Variants in NSRP1 observed in about 807,000 individuals in gnomAD.
NSRP1 encodes coiled-coil domain containing 55.
A neutral mutation model predicts 54.7 loss-of-function variants in NSRP1; 24 were observed. The ratio of observed to expected loss-of-function variants is 0.44; its 90% CI spans 0.32 to 0.62. NSRP1 has a LOEUF of 0.62. Among genes scored for constraint, NSRP1 ranks in the 20% least tolerant of loss-of-function variants. The probability of loss-of-function intolerance (pLI) is 0.06; values close to 1 mark genes in which losing one functional copy is unlikely to be tolerated. For synonymous variants in NSRP1, 210 were observed against 213.8 expected (o/e 0.98, Z 0.15); for missense variants, 596 against 651.2 (o/e 0.92, Z 0.92).
chr17:30,170,741 TG>T (rs1330799076), intron 2 of NSRP1, among the ~76,000 whole-genome samples: 3 of 152,200 alleles, frequency 2.0e-5, no homozygotes, highest in African/African-American at 4.8e-5. Flanking sequence ...GCAATGAACA[TG>T]GGAGTGAAGC....
In NSRP1 at chr17:30,179,168, C is replaced by G; in HGVS notation, c.379C>G (p.Gln127Glu). The change falls in exon 5 of 7, where the codon CAG (glutamine) becomes GAG (glutamate). Residue 127 changes from glutamine to glutamate, a missense_variant. By Grantham distance (29) the Gln-to-Glu change is conservative. Transcript: ENST00000247026. ...GGAAAAAAGAATGGAAAAGAAAATA[C>G]AGAGAGAACGAGAAATGGAAAAGGG... ...EQEKRMEKKI[Q>E]REREMEKGEF... The G allele has an allele frequency of 6.2e-7, 1 of 1,607,328 alleles. No individual in the cohort carries two copies. The highest frequency in any genetic ancestry group is 8.5e-7 in the Non-Finnish European group (1 of 1,176,210).
intron 2 of NSRP1, chr17:30,122,349 T>TGTGTGTGTATATATA (rs1481107161): frequency 1.4e-5 from 1 of 72,304 alleles, no homozygotes; most frequent in African/African-American, 5.7e-5. Flanking sequence ...ATAACTCTGG[T>TGTGTGTGTATATATA]TTCATATATA....
intron 1 of NSRP1, chr17:30,117,352 G>C: frequency 1.9e-6 from 1 of 530,512 alleles, no homozygotes; most frequent in Non-Finnish European, 3.3e-6. Flanking sequence ...TAGGAAATTG[G>C]GGTATACGTT....
intron 2 of NSRP1, among the ~76,000 whole-genome samples, chr17:30,134,085 T>C (rs2071726780): frequency 6.6e-6 from 1 of 152,212 alleles, no homozygotes; most frequent in South Asian, 2.1e-4. Flanking sequence ...GGGTTATTAG[T>C]TGACCTAATT....
At chr17:30,120,980 A>G (rs2071591604) in intron 2 of NSRP1, among the ~76,000 whole-genome samples, 1 of 152,222 alleles carries the variant, frequency 6.6e-6, no homozygotes, top group Non-Finnish European at 1.5e-5. Context: ...TTTAGATTTA[A>G]ATAGGCAAAA....
chr17:30,125,424 A>AT (rs1280174588), intron 2 of NSRP1, among the ~76,000 whole-genome samples: 4 of 152,120 alleles, frequency 2.6e-5, no homozygotes, highest in Admixed American at 6.6e-5. Context: ...TTAAGATCAG[A>AT]TTTTTTCTCT....
chr17:30,122,837 A>G (rs950035890), intron 2 of NSRP1, among the ~76,000 whole-genome samples: 5 of 152,042 alleles, frequency 3.3e-5, no homozygotes, highest in Admixed American at 2.0e-4. Flanking sequence ...AGCCATATAG[A>G]AGGTGTACAG....
At chr17:30,177,908 C>A in intron 3 of NSRP1, 163 bp from the exon 4 acceptor site, 1 of 819,164 alleles carries the variant, frequency 1.2e-6, no homozygotes, top group Non-Finnish European at 2.0e-6. Context: ...GCATTCATAC[C>A]CAGGCAGCCT....
rs1043642923 is a variant in NSRP1 at position 30,127,909 on chromosome 17, A to C, written c.114+9736A>C. 3 of 397,996 alleles carry C rather than the reference A, an allele frequency of 7.5e-6. No homozygotes were observed. The Admixed American group carries it at 1.3e-4, about 18-fold the overall frequency. The allele number at this position is 397,996 out of a possible 1,614,324, so 24.7% of individuals were successfully genotyped here. On this transcript the variant is annotated intron_variant, in intron 2 of 6. Coordinates refer to ENST00000247026, the MANE Select transcript of NSRP1 (RefSeq NM_032141.4). ...AGTGCAATTTGTGCAGTCACAACTC[A>C]TGGCAGCCTCAACCTCCCAGGCCGA...
In NSRP1 at chr17:30,116,853, C is replaced by G; in HGVS notation, c.10C>G (p.Pro4Ala). ...CGGACACGGGAGCAAGATGGCGATTCCGGGCAGGCAGTGAGTGATCCGGGA... is the reference window on the plus strand; with the variant it reads ...CGGACACGGGAGCAAGATGGCGATTGCGGGCAGGCAGTGAGTGATCCGGGA... MAI[P>A]GRQYGLILPK... is the part of the protein sequence containing the mutation. Residue 4 changes from proline to alanine, a missense_variant, in exon 1 of 7, where the codon CCG becomes GCG. Physicochemically the swap from Pro to Ala is conservative, Grantham distance 27. Transcript: ENST00000247026. The G allele has an allele frequency of 3.2e-6, 5 of 1,576,064 alleles. 1 individual carries two copies. Among genetic ancestry groups the G allele is most frequent in the East Asian group, 4.6e-5 (2 of 43,110 alleles).
intron 2 of NSRP1, among the ~76,000 whole-genome samples, chr17:30,121,216 A>G (rs2071593465): frequency 6.6e-6 from 1 of 152,220 alleles, no homozygotes; most frequent in Admixed American, 6.5e-5. Context: ...ATTCGGTGAT[A>G]TCATCACACT....
intron 2 of NSRP1, among the ~76,000 whole-genome samples, chr17:30,142,648 A>G (rs2071816802): frequency 6.6e-6 from 1 of 152,224 alleles, no homozygotes; most frequent in Non-Finnish European, 1.5e-5. Flanking sequence ...TTAAGTGTTT[A>G]GTCCAGTGCA....
Position 30,184,890 on chromosome 17 carries a change from A to G in NSRP1, c.893A>G (p.His298Arg). 1 of 1,614,182 alleles carries G rather than the reference A, an allele frequency of 6.2e-7. No individual in the cohort carries two copies. Reference sequence around the variant, plus strand: ...CGGTCACCTAGTGAAGAAAGAGGGCACAGTACCAGGCACCACACGAAAGGA... The same window carrying G: ...CGGTCACCTAGTGAAGAAAGAGGGCGCAGTACCAGGCACCACACGAAAGGA... Reference protein sequence around the residue: ...HSRSPSEERGHSTRHHTKGSR... With the variant: ...HSRSPSEERGRSTRHHTKGSR... Residue 298 changes from histidine (H) to arginine (R), a missense_variant, in exon 7 of 7, where the codon CAC becomes CGC. Coordinates refer to ENST00000247026, the MANE Select transcript of NSRP1 (RefSeq NM_032141.4).
rs1433171183 is a variant in NSRP1, at chr17:30,186,366, C to CT, written c.*695dup. 6.6e-6 allele frequency: 1 copy of CT among 152,090 alleles called. No individual in the cohort carries two copies. The highest frequency in any genetic ancestry group is 1.5e-5 in the Non-Finnish European group (1 of 68,008). 9.4% of individuals were successfully genotyped at this position (152,090 alleles called of 1,614,324 possible). A position where few individuals can be genotyped will look rare whatever the true frequency, so the allele number is the denominator to read the frequency against. On this transcript the variant is annotated 3_prime_UTR_variant, in exon 7 of 7. Transcript: ENST00000247026. The stretch of plus-strand genomic sequence containing the variant: ...ATGGATTTGAAAAACAGAAAATATA[C>CT]TTTATGTTCTGAAATTTGTATTTAA...
intron 2 of NSRP1, among the ~76,000 whole-genome samples, chr17:30,135,730 AAAGTGCTGGGATTACAGGCGTGAGCC>A (rs2071745208): frequency 6.6e-6 from 1 of 150,652 alleles, no homozygotes; most frequent in South Asian, 2.1e-4. Flanking sequence ...TCGGCCTCCC[AAAGTGCTGGGATTACAGGCGTGAGCC>A]ACCATGCCCG....
chr17:30,134,766 A>G (rs1200347291), intron 2 of NSRP1, among the ~76,000 whole-genome samples: 2 of 152,188 alleles, frequency 1.3e-5, no homozygotes, highest in East Asian at 1.9e-4. Flanking sequence ...GTTTCAGAGA[A>G]TGGATTTCAG....
In NSRP1 at chr17:30,185,152, G is replaced by A. The variant is rs1305639974; in HGVS notation, c.1155G>A (p.Glu385=). 8 of 1,592,706 alleles carry A rather than the reference G, an allele frequency of 5.0e-6. No individual in the cohort carries two copies. In the East Asian group the frequency reaches 1.8e-4, roughly 36 times the overall value. Residue 385 remains glutamate (E), a synonymous_variant, in exon 7 of 7, where the codon GAG becomes GAA. Coordinates refer to ENST00000247026, the MANE Select transcript of NSRP1 (RefSeq NM_032141.4). ...TATGGAAAAGGGAGAAAGATAGGGA[G>A]AAATATTCCCAAAGAGAACAAGAAA... ...DRVWKREKDR[E]KYSQREQERD...
At chr17:30,145,997 A>G (rs2071851933) in intron 2 of NSRP1, among the ~76,000 whole-genome samples, 1 of 122,584 alleles carries the variant, frequency 8.2e-6, no homozygotes, top group South Asian at 3.1e-4. Flanking sequence ...CTGCAGGTGC[A>G]TGCCACCATG....
chr17:30,184,579 A>AT (rs761185949), intron 6 of NSRP1, 36 bp from the exon 7 acceptor site: 23 of 1,519,994 alleles, frequency 1.5e-5, no homozygotes, highest in Non-Finnish European at 1.8e-5. Flanking sequence ...ATAATGTGGC[A>AT]TTTTTTTCTG....
Sources: allele counts gnomAD v4.1 joint callset (sites outside exome capture counted in the v4.1 genomes callset), GRCh38; gene constraint gnomAD v4.1.1; transcripts MANE v1.5; gene names NCBI Gene and HGNC (gene_info 2026-07-23, HGNC 2026-07-21).